The following NAPG variants were observed in gnomAD, a reference collection of about 807,000 sequenced individuals.
The protein encoded by NAPG is gamma-soluble NSF attachment protein.
A neutral mutation model predicts 48.4 loss-of-function variants in NAPG; 25 were observed. That is an observed-to-expected ratio of 0.52 (90% CI 0.38 to 0.72). The LOEUF (loss-of-function observed/expected upper bound fraction) is 0.72. Ranked by LOEUF, NAPG falls within the 30% of genes least tolerant of loss-of-function variation. The pLI, the probability that NAPG is intolerant of heterozygous loss-of-function variation, is 0.00. For missense variants in NAPG, 359 were observed against 372.5 expected (o/e 0.96, Z 0.30); for synonymous variants, 139 against 127.2 (o/e 1.09, Z -0.62).
intron 8 of NAPG, among the ~76,000 whole-genome samples, chr18:10,541,093 A>T (rs2032147436): frequency 6.6e-6 from 1 of 152,232 alleles, no homozygotes; most frequent in African/African-American, 2.4e-5. Flanking sequence ...AATAGAAATG[A>T]CTGATGAATC....
At chr18:10,526,239 C>CCTTGCCCCCGGGGGGGGGG in intron 1 of NAPG, 81 bp downstream of exon 1, 1 of 349,042 alleles carries the variant, frequency 2.9e-6, no homozygotes, top group Non-Finnish European at 5.8e-6. Flanking sequence ...CCGGGGGGGG[C>CCTTGCCCCCGGGGGGGGGG]GGGAGGGAGG....
rs189008422 is a variant in NAPG at position 10,544,000 on chromosome 18, G to C, written c.507-2326G>C. Among the ~76,000 whole-genome samples the C allele has an allele frequency of 5.5e-4, 84 of 152,306 alleles. No individual in the cohort carries two copies. The highest frequency in any genetic ancestry group is 3.9e-3 in the South Asian group (19 of 4,828). On this transcript the variant is annotated intron_variant, in intron 8 of 11. Transcript: ENST00000322897. This position sits in a 1 kb window ranked among gnomAD's most constrained non-coding sequence, Gnocchi z 4.4. ...TATGTCAAGGAAATAAACAGTTTAT[G>C]CGTAAAGAATGCACCCTTTATAGTT... is the stretch of plus-strand genomic sequence containing the variant.
chr18:10,540,163 C>T (rs1184298945), intron 7 of NAPG, 109 bp downstream of exon 7: 4 of 1,071,198 alleles, frequency 3.7e-6, no homozygotes, highest in Non-Finnish European at 5.4e-6. Flanking sequence ...TCCCTGCTCA[C>T]AGTTGCACGC....
rs748937750 is a variant in NAPG, at chr18:10,534,508, T to C, written c.258+12T>C. The C allele has an allele frequency of 6.2e-7, 1 of 1,612,070 alleles. No homozygotes were observed. Among genetic ancestry groups the C allele is most frequent in the South Asian group, 1.1e-5 (1 of 91,004 alleles). On this transcript the variant is annotated intron_variant, in intron 5 of 11. Coordinates refer to ENST00000322897, the MANE Select transcript of NAPG (RefSeq NM_003826.3). The surrounding 1 kb of genome is among the most constrained non-coding windows in gnomAD (Gnocchi z 5.0). The stretch of plus-strand genomic sequence containing the variant: ...GAATGATGTTGAAGGTCAGTAATGT[T>C]ATGTCACAATTGTTGTGTAGGTAAA...
intron 8 of NAPG, among the ~76,000 whole-genome samples, chr18:10,545,473 G>A (rs2032243837): frequency 6.6e-6 from 1 of 152,210 alleles, no homozygotes; most frequent in African/African-American, 2.4e-5. Context: ...CCAATGCCCA[G>A]ACCCTGGTAG....
At chr18:10,541,500 C>T (rs1426441262) in intron 8 of NAPG, among the ~76,000 whole-genome samples, 1 of 152,176 alleles carries the variant, frequency 6.6e-6, no homozygotes, top group African/African-American at 2.4e-5. Flanking sequence ...CAGAGCTGTT[C>T]TTGGTGATGG....
At chr18:10,538,321 G>A (rs867319388) in intron 5 of NAPG, among the ~76,000 whole-genome samples, 7 of 152,164 alleles carry the variant, frequency 4.6e-5, no homozygotes, top group South Asian at 2.1e-4. Flanking sequence ...CTCATGTGGC[G>A]GGACAGTGCT....
chr18:10,550,412 C>A lies in NAPG; in HGVS notation c.*192C>A, dbSNP rs373033183. ...CATTACCTGTGAAGCATATCTTTTT[C>A]TTTCCATAAGAGCTTTTCTAAGACA... On this transcript the variant is annotated 3_prime_UTR_variant, in exon 12 of 12. Transcript: ENST00000322897. The A allele has an allele frequency of 1.4e-3, 715 of 506,718 alleles. 6 individuals are homozygous for A. Among genetic ancestry groups the A allele is most frequent in the South Asian group, 0.01 (328 of 31,992 alleles). The allele number at this position is 506,718 out of a possible 1,614,324, so 31.4% of individuals were successfully genotyped here.
Position 10,548,799 on chromosome 18 carries a change from G to A in NAPG, c.666-168G>A, listed in dbSNP as rs189157557. 1.3e-3 allele frequency among the ~76,000 whole-genome samples: 191 copies of A among 152,202 alleles called. No homozygotes were observed. Among genetic ancestry groups the A allele is most frequent in the African/African-American group, 4.2e-3 (176 of 41,538 alleles). Reference sequence around the variant, plus strand: ...GGGCCTGTCCTGTGCACTGTAGGCTGGTTAGCGGGATCCCCGGTCTCTGCC... The same window carrying A: ...GGGCCTGTCCTGTGCACTGTAGGCTAGTTAGCGGGATCCCCGGTCTCTGCC... On this transcript the variant is annotated intron_variant, in intron 10 of 11. Transcript: ENST00000322897. The surrounding 1 kb of genome is among the most constrained non-coding windows in gnomAD (Gnocchi z 4.4).
chr18:10,532,869 T>A, intron 3 of NAPG, 74 bp downstream of exon 3: 3 of 1,200,482 alleles, frequency 2.5e-6, no homozygotes, highest in Non-Finnish European at 3.5e-6. Context: ...TTGCTGTAAA[T>A]TTACTTTACT....
At chr18:10,528,189 AAAAT>A (rs1346142228) in intron 1 of NAPG, among the ~76,000 whole-genome samples, 1 of 152,078 alleles carries the variant, frequency 6.6e-6, no homozygotes, top group Non-Finnish European at 1.5e-5. Flanking sequence ...CTGTATCAAA[AAAAT>A]AAATAAATAA....
Position 10,551,811 on chromosome 18 carries a change from CTTTA to C in NAPG, c.*1594_*1597del, listed in dbSNP as rs1196055142. 1.3e-5 allele frequency: 2 copies of C among 152,112 alleles called. No individual in the cohort carries two copies. The highest frequency in any genetic ancestry group is 4.8e-5 in the African/African-American group (2 of 41,404). 9.4% of individuals were successfully genotyped at this position (152,112 alleles called of 1,614,324 possible). ...GGGTGCGTGGATGTTGGTATACAGT[CTTTA>C]TTGTAAGTCTGATACAAAATGCTAA... On this transcript the variant is annotated 3_prime_UTR_variant, in exon 12 of 12. Transcript: ENST00000322897.
intron 1 of NAPG, among the ~76,000 whole-genome samples, chr18:10,527,860 T>A (rs2031851273): frequency 6.6e-6 from 1 of 152,146 alleles, no homozygotes. Context: ...ATCCAACCAG[T>A]GGACTCGGTT....
rs1448073680 is a variant in NAPG at position 10,534,465 on chromosome 18, G to C, written c.228-1G>C. The C allele has an allele frequency of 6.2e-7, 1 of 1,613,124 alleles. No homozygotes were observed. The highest frequency in any genetic ancestry group is 8.5e-7 in the Non-Finnish European group (1 of 1,179,324). On this transcript the variant is annotated splice_acceptor_variant, in intron 4 of 11. Transcript: ENST00000322897. LOFTEE classifies it high-confidence loss of function. The surrounding 1 kb of genome is among the most constrained non-coding windows in gnomAD (Gnocchi z 5.0). ...TCAGAGAAATTATATTCTCTTTGCA[G>C]AGCTTATGAGCAAGCTGGAATGATG...
chr18:10,533,303 G>A (rs968208883), intron 3 of NAPG: 15 of 398,712 alleles, frequency 3.8e-5, no homozygotes, highest in African/African-American at 1.0e-4. Context: ...AGATTATTGC[G>A]TAATAGAAAT....
Position 10,539,705 on chromosome 18 carries a change from C to G in NAPG, c.259-57C>G. 1 of 1,314,946 alleles carries G rather than the reference C, an allele frequency of 7.6e-7. No homozygotes were observed. Among genetic ancestry groups the G allele is most frequent in the African/African-American group, 1.5e-5 (1 of 67,984 alleles). The allele number at this position is 1,314,946 out of a possible 1,614,324, so 81.5% of individuals were successfully genotyped here. On this transcript the variant is annotated intron_variant, in intron 5 of 11. Transcript: ENST00000322897. The surrounding 1 kb of genome is among the most constrained non-coding windows in gnomAD (Gnocchi z 4.7). ...ATAATTGCATTTCAGATTGTTAACT[C>G]TGTTTTTCTTTAATTGATGCATTTG...
rs2032180363 is a variant in NAPG at position 10,542,686 on chromosome 18, T to TA, written c.506+2288dup. Among the ~76,000 whole-genome samples, 1 of 152,234 alleles carries TA rather than the reference T, an allele frequency of 6.6e-6. No homozygotes were observed. The highest frequency in any genetic ancestry group is 2.4e-5 in the African/African-American group (1 of 41,454). The stretch of plus-strand genomic sequence containing the variant: ...GTTTGTTATATTTAGTTAGTGCACT[T>TA]ATGTTTTTACATTAACATGAGTCCA... On this transcript the variant is annotated intron_variant, in intron 8 of 11. Transcript: ENST00000322897. The surrounding 1 kb of genome is among the most constrained non-coding windows in gnomAD (Gnocchi z 4.5).
chr18:10,540,207 C>G, intron 7 of NAPG, 122 bp from the exon 8 acceptor site: 1 of 1,053,226 alleles, frequency 9.5e-7, no homozygotes, highest in Non-Finnish European at 1.4e-6. Context: ...GTGAAATGAA[C>G]TAGCAGCTTT....
intron 3 of NAPG, chr18:10,533,042 T>G (rs561650225): frequency 1.0e-5 from 4 of 390,344 alleles, no homozygotes; most frequent in Admixed American, 8.4e-5. Context: ...TTGATGATGG[T>G]TTTACTTGGG....
Sources: gnomAD v4.1 joint callset for allele counts (sites outside exome capture counted in the v4.1 genomes callset) on GRCh38, gnomAD v4.1.1 for gene constraint, Gnocchi (gnomAD v3.1) non-coding constraint, MANE v1.5 for transcripts, NCBI Gene and HGNC (gene_info 2026-07-23, HGNC 2026-07-21) for gene names.